SPIN1: variants seen among roughly 807,000 people sequenced by gnomAD.
SPIN1 encodes the protein spindlin 1, also known as spindlin-1.
In SPIN1, 3 loss-of-function variants were observed where a neutral mutation model predicts 26.0. The observed-to-expected ratio is 0.12, with a 90% CI of 0.05 to 0.30. The LOEUF (loss-of-function observed/expected upper bound fraction) is 0.30, where lower values mean the gene tolerates loss of function less well. SPIN1 is among the 10% of genes least tolerant of loss of function. The pLI is 1.00. For missense variants in SPIN1, 126 were observed against 333.4 expected (o/e 0.38, Z 4.84); for synonymous variants, 101 against 116.5 (o/e 0.87, Z 0.86).
At chr9:88,426,704 C>A in intron 2 of SPIN1, 113 bp downstream of exon 2, 1 of 892,920 alleles carries the variant, frequency 1.1e-6, no homozygotes, top group South Asian at 1.7e-5. Context: ...TTTGTCATTT[C>A]TAGTATGTTA....
intron 1 of SPIN1, among the ~76,000 whole-genome samples, chr9:88,395,916 G>A (rs1041667025): frequency 5.9e-5 from 9 of 152,014 alleles, no homozygotes; most frequent in Non-Finnish European, 1.0e-4. Context: ...GCGTGGTGGC[G>A]CGTGCCTGTA....
In SPIN1 at chr9:88,473,643, T is replaced by TTGTGTG. The variant is rs113216961; in HGVS notation, c.590-1422_590-1417dup. 4.9e-3 allele frequency among the ~76,000 whole-genome samples: 584 copies of TTGTGTG among 119,340 alleles called. 3 individuals carry two copies. The highest frequency in any genetic ancestry group is 0.015 in the African/African-American group (507 of 34,378). 78.3% of individuals were successfully genotyped at this position (119,340 alleles called of 152,430 possible). A position where few individuals can be genotyped will look rare whatever the true frequency, so the allele number is the denominator to read the frequency against. On this transcript the variant is annotated intron_variant, in intron 5 of 5. Coordinates refer to ENST00000375859, the MANE Select transcript of SPIN1 (RefSeq NM_006717.3). ...TTCCCTCTCCTTTAATTCTCCAAAC[T>TTGTGTG]TGTGTGTGTGTGTGTGTGCACGCGC...
chr9:88,394,674 T>C (rs1351804179), intron 1 of SPIN1, among the ~76,000 whole-genome samples: 1 of 152,202 alleles, frequency 6.6e-6, no homozygotes. Flanking sequence ...CACATAAGCA[T>C]GTACAGTTGA....
chr9:88,408,981 TTGTGTGTGTG>T (rs148808911), intron 1 of SPIN1, among the ~76,000 whole-genome samples: 8 of 136,596 alleles, frequency 5.9e-5, no homozygotes, highest in South Asian at 2.4e-4. Flanking sequence ...TTGTGTGTGT[TTGTGTGTGTG>T]TGTGTGTGTG....
intron 3 of SPIN1, among the ~76,000 whole-genome samples, chr9:88,449,543 A>G (rs1828317437): frequency 6.6e-6 from 1 of 152,134 alleles, no homozygotes; most frequent in African/African-American, 2.4e-5. Context: ...TCAATCCTAA[A>G]TTCTGTAGAT....
intron 2 of SPIN1, among the ~76,000 whole-genome samples, chr9:88,430,887 T>C (rs1003412797): frequency 1.4e-4 from 21 of 150,454 alleles, no homozygotes; most frequent in African/African-American, 4.9e-4. Flanking sequence ...TTTTTTCTTT[T>C]TTTTTTTTTT....
chr9:88,406,497 TTAGC>T (rs374545020), intron 1 of SPIN1, among the ~76,000 whole-genome samples: 49 of 152,142 alleles, frequency 3.2e-4, no homozygotes, highest in African/African-American at 1.2e-3. Context: ...TTTCACCGTG[TTAGC>T]CAGCATGGTC....
chr9:88,422,279 C>T (rs1470392393), intron 1 of SPIN1, among the ~76,000 whole-genome samples: 1 of 152,148 alleles, frequency 6.6e-6, no homozygotes, highest in African/African-American at 2.4e-5. Context: ...GTTCTGCTAA[C>T]CTAGAAATAA....
Position 88,410,193 on chromosome 9 carries a change from CT to C in SPIN1, c.-158-16176del, listed in dbSNP as rs112040783. 2.8e-3 allele frequency among the ~76,000 whole-genome samples: 371 copies of C among 132,224 alleles called. 1 individual carries two copies. The highest frequency in any genetic ancestry group is 5.6e-3 in the African/African-American group (190 of 33,872). The allele number at this position is 132,224 out of a possible 152,430, so 86.7% of individuals were successfully genotyped here. ...TGTGTGTGTGTGTGTGTGTGTGCAA[CT>C]TTTTTTTTTTTTAAAGACATTTATT... On this transcript the variant is annotated intron_variant, in intron 1 of 5. Coordinates refer to ENST00000375859, the MANE Select transcript of SPIN1 (RefSeq NM_006717.3).
intron 5 of SPIN1, among the ~76,000 whole-genome samples, chr9:88,470,433 A>G (rs961586498): frequency 3.3e-5 from 5 of 152,338 alleles, no homozygotes; most frequent in Admixed American, 1.3e-4. Flanking sequence ...CATTTCCAAC[A>G]GCAGTGTATG....
chr9:88,466,506 A>G (rs887493089), intron 4 of SPIN1, among the ~76,000 whole-genome samples: 5 of 152,188 alleles, frequency 3.3e-5, no homozygotes, highest in South Asian at 2.1e-4. Flanking sequence ...TCTGAGATCT[A>G]CTGGCTTTAA....
intron 3 of SPIN1, 50 bp from the exon 4 acceptor site, chr9:88,462,446 C>T (rs1828593122): frequency 1.9e-6 from 3 of 1,586,392 alleles, no homozygotes; most frequent in Non-Finnish European, 8.6e-7. Flanking sequence ...TAGATCTAGG[C>T]ATGCATACTT....
Position 88,426,377 on chromosome 9 carries a change from T to C in SPIN1, c.-158-5T>C. ...CTAGTAATGAACTGTTTCACTATTT[T>C]ACAGAGTGCTTGTGATTTCACGTAT... On this transcript the variant is annotated splice_polypyrimidine_tract_variant and splice_region_variant and intron_variant, in intron 1 of 5. Transcript: ENST00000375859. The C allele has an allele frequency of 1.8e-6, 1 of 554,586 alleles. No homozygotes were observed. The allele number at this position is 554,586 out of a possible 1,614,324, so 34.4% of individuals were successfully genotyped here.
chr9:88,426,615 A>G, intron 2 of SPIN1, 24 bp downstream of exon 2: 1 of 1,588,334 alleles, frequency 6.3e-7, no homozygotes, highest in Non-Finnish European at 8.6e-7. Context: ...TTCTACACAT[A>G]TTTAAATATA....
intron 1 of SPIN1, among the ~76,000 whole-genome samples, chr9:88,397,278 G>A (rs1827086160): frequency 6.6e-6 from 1 of 151,968 alleles, no homozygotes; most frequent in South Asian, 2.1e-4. Flanking sequence ...TAGTATATGT[G>A]GTCTGTTGTG....
chr9:88,464,708 G>A (rs181778712), intron 4 of SPIN1, among the ~76,000 whole-genome samples: 1 of 152,132 alleles, frequency 6.6e-6, no homozygotes, highest in Admixed American at 6.6e-5. Flanking sequence ...ATCATGCATT[G>A]GTGAAAGAGC....
intron 1 of SPIN1, among the ~76,000 whole-genome samples, chr9:88,399,253 T>TG (rs1443631759): frequency 6.6e-6 from 1 of 151,774 alleles, no homozygotes; most frequent in African/African-American, 2.4e-5. Context: ...AGGCTGGTCT[T>TG]GAACTCCTGA....
intron 2 of SPIN1, among the ~76,000 whole-genome samples, chr9:88,445,603 C>G (rs753669718): frequency 6.7e-6 from 1 of 149,970 alleles, no homozygotes; most frequent in African/African-American, 2.4e-5. Context: ...AGTGCAGTGG[C>G]GTGATCTTGG....
chr9:88,447,479 A>C (rs554108218), intron 2 of SPIN1, among the ~76,000 whole-genome samples: 1 of 152,192 alleles, frequency 6.6e-6, no homozygotes, highest in African/African-American at 2.4e-5. Context: ...GTTGGAGTCT[A>C]TTTTGGCAAG....
Sources: allele counts gnomAD v4.1 joint callset (sites outside exome capture counted in the v4.1 genomes callset), GRCh38; gene constraint gnomAD v4.1.1; transcripts MANE v1.5; gene names NCBI Gene and HGNC (gene_info 2026-07-23, HGNC 2026-07-21).